Variants in HTRA3 observed in about 807,000 individuals in gnomAD.
HTRA3 encodes the protein serine protease HTRA3.
Under a neutral mutation model 43.2 loss-of-function variants are expected in HTRA3, and 41 were observed. The observed-to-expected ratio is 0.95, with a 90% CI of 0.74 to 1.23. The LOEUF (loss-of-function observed/expected upper bound fraction) is 1.23. Ranked by LOEUF, HTRA3 falls within the 50% of genes most tolerant of loss-of-function variation. The pLI, the probability that HTRA3 is intolerant of heterozygous loss-of-function variation, is 0.00. For missense variants in HTRA3, 628 were observed against 647.1 expected (o/e 0.97, Z 0.32); for synonymous variants, 295 against 287.9 (o/e 1.02, Z -0.25).
rs1451815769 is a variant in HTRA3, at chr4:8,296,073, A to C, written c.1051+1872A>C. The C allele has an allele frequency of 2.8e-6, 3 of 1,060,304 alleles. No homozygotes were observed. The highest frequency in any genetic ancestry group is 3.4e-6 in the Non-Finnish European group (3 of 878,970). 65.7% of individuals were successfully genotyped at this position (1,060,304 alleles called of 1,614,324 possible). ...CGAGTCTTTCCTGTTGAATTATCCC[A>C]TTCTCCATGGGTGCCTTTGACTTTG... On this transcript the variant is annotated intron_variant, in intron 6 of 8. Coordinates refer to ENST00000307358, the MANE Select transcript of HTRA3 (RefSeq NM_053044.5). The surrounding 1 kb of genome is among the most constrained non-coding windows in gnomAD (Gnocchi z 5.3).
At chr4:8,294,057 A>C in intron 5 of HTRA3, 30 bp from the exon 6 acceptor site, 1 of 1,520,444 alleles carries the variant, frequency 6.6e-7, no homozygotes, top group Non-Finnish European at 9.0e-7. Context: ...GGTTCCCCCA[A>C]CTGATGCCTG....
chr4:8,272,792 A>T (rs1384935740), intron 1 of HTRA3, among the ~76,000 whole-genome samples: 1 of 152,218 alleles, frequency 6.6e-6, no homozygotes, highest in African/African-American at 2.4e-5. Flanking sequence ...TGTCGCCACC[A>T]GAGCCCACGG....
chr4:8,280,305 C>T (rs1578791400), intron 1 of HTRA3, among the ~76,000 whole-genome samples: 1 of 152,144 alleles, frequency 6.6e-6, no homozygotes, highest in Non-Finnish European at 1.5e-5. Context: ...GTCCTCCCTC[C>T]TGGAGGGAGG....
intron 6 of HTRA3, among the ~76,000 whole-genome samples, chr4:8,299,744 TTAATGTGG>T (rs975006625): frequency 4.6e-5 from 7 of 152,222 alleles, no homozygotes; most frequent in African/African-American, 1.7e-4. Flanking sequence ...TTCTAGTCTG[TTAATGTGG>T]TAAATTGCAT....
At chr4:8,305,023 A>G (rs1209031758) in intron 8 of HTRA3, among the ~76,000 whole-genome samples, 1 of 152,102 alleles carries the variant, frequency 6.6e-6, no homozygotes, top group East Asian at 1.9e-4. Context: ...GCATTGCAAC[A>G]CCATAGGCTG....
Position 8,297,836 on chromosome 4 carries a change from T to C in HTRA3, c.1051+3635T>C, listed in dbSNP as rs1713507369. Among the ~76,000 whole-genome samples the C allele has an allele frequency of 6.6e-6, 1 of 152,116 alleles. No homozygotes were observed. Among genetic ancestry groups the C allele is most frequent in the Admixed American group, 6.5e-5 (1 of 15,278 alleles). On this transcript the variant is annotated intron_variant, in intron 6 of 8. Transcript: ENST00000307358. This position sits in a 1 kb window ranked among gnomAD's most constrained non-coding sequence, Gnocchi z 5.8. ...CTCAGACGCGCAGCTGCTTGTGGGA[T>C]GGACCCACCAATGTCCACAGGCAGT...
chr4:8,271,926 G>A (rs1712294267), intron 1 of HTRA3, among the ~76,000 whole-genome samples: 1 of 152,194 alleles, frequency 6.6e-6, no homozygotes, highest in African/African-American at 2.4e-5. Flanking sequence ...TGTTGAGACT[G>A]CCCAGGAGGC....
At chr4:8,293,800 C>G (rs1322992497) in intron 5 of HTRA3, among the ~76,000 whole-genome samples, 2 of 152,156 alleles carry the variant, frequency 1.3e-5, no homozygotes, top group African/African-American at 2.4e-5. Flanking sequence ...GCCCAGTGGC[C>G]GTGCTTCTTA....
chr4:8,286,607 TTCA>T lies in HTRA3; in HGVS notation c.537_539del (p.Ile179del). On this transcript the variant is annotated inframe_deletion, in exon 3 of 9. Coordinates refer to ENST00000307358, the MANE Select transcript of HTRA3 (RefSeq NM_053044.5). This position sits in a 1 kb window ranked among gnomAD's most constrained non-coding sequence, Gnocchi z 4.9. The stretch of plus-strand genomic sequence containing the variant: ...CGTGCCCCTGTCCAGCGGTTCTGGC[TTCA>T]TCATGTCAGAGGCCGGCCTGATCAT... The T allele has an allele frequency of 1.2e-6, 2 of 1,614,090 alleles. No homozygotes were observed. Among genetic ancestry groups the T allele is most frequent in the South Asian group, 1.1e-5 (1 of 91,080 alleles).
At chr4:8,294,880 C>G (rs1444322980) in intron 6 of HTRA3, among the ~76,000 whole-genome samples, 1 of 147,316 alleles carries the variant, frequency 6.8e-6, no homozygotes, top group African/African-American at 2.5e-5. Flanking sequence ...ATCCATCCAT[C>G]CACCCAACCA....
chr4:8,303,272 G>T (rs1364131569), intron 7 of HTRA3, among the ~76,000 whole-genome samples: 1 of 152,182 alleles, frequency 6.6e-6, no homozygotes, highest in Non-Finnish European at 1.5e-5. Flanking sequence ...ATCACCTGTG[G>T]TGGGACCGCC....
At chr4:8,298,479 T>A (rs770538559) in intron 6 of HTRA3, among the ~76,000 whole-genome samples, 81 of 152,134 alleles carry the variant, frequency 5.3e-4, no homozygotes, top group Admixed American at 1.4e-3. Context: ...CTGAATAGTG[T>A]TTTTAAAGAG....
intron 2 of HTRA3, among the ~76,000 whole-genome samples, chr4:8,284,075 G>C (rs1233586274): frequency 6.6e-6 from 1 of 152,182 alleles, no homozygotes; most frequent in Admixed American, 6.5e-5. Context: ...CCTGCTGGGA[G>C]CTCCCTGGGC....
At chr4:8,289,916 C>G (rs1461212480) in intron 3 of HTRA3, among the ~76,000 whole-genome samples, 2 of 151,758 alleles carry the variant, frequency 1.3e-5, no homozygotes, top group African/African-American at 4.8e-5. Context: ...CCTGTGCGCC[C>G]TCCTTGGGTG....
intron 3 of HTRA3, among the ~76,000 whole-genome samples, chr4:8,287,188 A>C (rs963847959): frequency 2.0e-5 from 3 of 152,026 alleles, no homozygotes; most frequent in Non-Finnish European, 2.9e-5. Context: ...TGGGACAGGG[A>C]CCCCATCCCT....
intron 7 of HTRA3, among the ~76,000 whole-genome samples, chr4:8,303,643 G>A (rs1490969516): frequency 2.0e-5 from 3 of 152,142 alleles, no homozygotes; most frequent in African/African-American, 7.2e-5. Context: ...AATTATCAAT[G>A]TCCAGTATGC....
rs566247263 is a variant in HTRA3, at chr4:8,293,866, T to C, written c.937-221T>C. Reference sequence around the variant, plus strand: ...CCCGAGCTGCAAGCTTCCCTGGAAATACTCTCCAGGGATGGGGAAGGGGGA... The same window carrying C: ...CCCGAGCTGCAAGCTTCCCTGGAAACACTCTCCAGGGATGGGGAAGGGGGA... On this transcript the variant is annotated intron_variant, in intron 5 of 8. Transcript: ENST00000307358. Among the ~76,000 whole-genome samples, 5 of 151,968 alleles carry C rather than the reference T, an allele frequency of 3.3e-5. No homozygotes were observed. The East Asian group carries it at 9.8e-4, about 30-fold the overall frequency.
chr4:8,270,264 A>G lies in HTRA3; in HGVS notation c.296A>G (p.Asn99Ser). Residue 99 changes from asparagine to serine, a missense_variant, in exon 1 of 9, where the codon AAC (asparagine) becomes AGC (serine). Physicochemically the swap from Asn to Ser is conservative, Grantham distance 46. Transcript: ENST00000307358. ...VCGTDGHTYA[N>S]VCALQAASRR... The stretch of plus-strand genomic sequence containing the variant: ...GGCACCGACGGGCACACCTATGCCA[A>G]CGTGTGCGCGCTGCAGGCGGCCAGC... 4 of 1,506,732 alleles carry G rather than the reference A, an allele frequency of 2.7e-6. No individual in the cohort carries two copies. Among genetic ancestry groups the G allele is most frequent in the Non-Finnish European group, 3.5e-6 (4 of 1,135,678 alleles). 93.3% of individuals were successfully genotyped at this position (1,506,732 alleles called of 1,614,324 possible). A position where few individuals can be genotyped will look rare whatever the true frequency, so the allele number is the denominator to read the frequency against.
intron 2 of HTRA3, among the ~76,000 whole-genome samples, chr4:8,283,876 G>A (rs1438830319): frequency 1.3e-5 from 2 of 152,180 alleles, no homozygotes; most frequent in Non-Finnish European, 1.5e-5. Context: ...GATCCCAGGA[G>A]TGATTCCTGC....
Sources: gnomAD v4.1 joint callset for allele counts (sites outside exome capture counted in the v4.1 genomes callset) on GRCh38, gnomAD v4.1.1 for gene constraint, Gnocchi (gnomAD v3.1) non-coding constraint, MANE v1.5 for transcripts, NCBI Gene and HGNC (gene_info 2026-07-23, HGNC 2026-07-21) for gene names.